SLC11A1: variants seen among roughly 807,000 people sequenced by gnomAD.
The protein encoded by SLC11A1 is natural resistance-associated macrophage protein 1.
Under a neutral mutation model 63.2 loss-of-function variants are expected in SLC11A1, and 59 were observed. The ratio of observed to expected loss-of-function variants is 0.93; its 90% CI spans 0.76 to 1.16. The LOEUF (loss-of-function observed/expected upper bound fraction) is 1.16. SLC11A1 is among the 50% of genes most tolerant of loss of function. SLC11A1 has a pLI of 0.00. For missense variants in SLC11A1, 688 were observed against 730.7 expected, an observed-to-expected ratio of 0.94 and a Z score of 0.67; for synonymous variants, 305 against 307.8, an observed-to-expected ratio of 0.99 and a Z score of 0.09.
Position 218,389,889 on chromosome 2 carries a change from C to A in SLC11A1, c.815C>A (p.Ala272Asp), listed in dbSNP as rs777838046. The A allele has an allele frequency of 4.3e-6, 7 of 1,612,154 alleles. No homozygotes were observed. In the East Asian group the frequency reaches 1.1e-4, roughly 26 times the overall value. Reference protein sequence around the residue: ...ALVKSREIDRARRADIREANM... With the variant: ...ALVKSREIDRDRRADIREANM... ...TCGTAGTCTCGAGAGATAGACCGGG[C>A]CCGCCGAGCAGACATCAGAGAAGCC... Residue 272 changes from alanine (A) to aspartate (D), a missense_variant, in exon 9 of 15, where the codon GCC becomes GAC. Physicochemically the swap from Ala to Asp is moderately radical, Grantham distance 126 (BLOSUM62 -2). Coordinates refer to ENST00000233202, the MANE Select transcript of SLC11A1 (RefSeq NM_000578.4).
At chr2:218,386,487 A>C (rs1696111703) in intron 4 of SLC11A1, 148 bp from the exon 5 acceptor site, 1 of 577,652 alleles carries the variant, frequency 1.7e-6, no homozygotes, top group African/African-American at 1.9e-5. Flanking sequence ...CTGCCTTTCC[A>C]TCTCCTGTAT....
At position 218,384,216 on chromosome 2, in the gene SLC11A1, CACTCT is replaced by C. The variant is rs574824378; in HGVS notation, c.151-22_151-18del. 30 of 1,570,876 alleles carry C rather than the reference CACTCT, an allele frequency of 1.9e-5. No homozygotes were observed. In the South Asian group the frequency reaches 3.3e-4, roughly 17 times the overall value. On this transcript the variant is annotated intron_variant, in intron 2 of 14. Coordinates refer to ENST00000233202, the MANE Select transcript of SLC11A1 (RefSeq NM_000578.4). The surrounding 1 kb of genome is among the most constrained non-coding windows in gnomAD (Gnocchi z 4.0). ...ACCATCCCTATACCCAGGACCCCCT[CACTCT>C]ACTCCTCCCACCCCCCAACAGGGCA... is the stretch of plus-strand genomic sequence containing the variant.
At position 218,396,625 on chromosome 2, in the gene SLC11A1, G is replaced by A. The variant is rs1696795624; in HGVS notation, c.*1590G>A. ...GACCGGTCTGGTGCGACCTGGGCAA[G>A]CGCTGCAGAGGGTACCTGGGCAAGA... On this transcript the variant is annotated 3_prime_UTR_variant, in exon 15 of 15. Transcript: ENST00000233202. 6.6e-6 allele frequency: 1 copy of A among 152,614 alleles called. No individual in the cohort carries two copies. The highest frequency in any genetic ancestry group is 2.1e-4 in the South Asian group (1 of 4,844). The allele number at this position is 152,614 out of a possible 1,614,324, so 9.5% of individuals were successfully genotyped here.
chr2:218,395,344 A>T lies in SLC11A1; in HGVS notation c.*309A>T. On this transcript the variant is annotated 3_prime_UTR_variant, in exon 15 of 15. Coordinates refer to ENST00000233202, the MANE Select transcript of SLC11A1 (RefSeq NM_000578.4). ...CAAAAGGTATTTATTGAGCACCTGC[A>T]GGCGTGACCTGACAGCCCAAGGGTG... The T allele has an allele frequency of 9.8e-6, 3 of 304,982 alleles. No individual in the cohort carries two copies. Among genetic ancestry groups the T allele is most frequent in the Non-Finnish European group, 1.9e-5 (3 of 160,326 alleles). 18.9% of individuals were successfully genotyped at this position (304,982 alleles called of 1,614,324 possible). A position where few individuals can be genotyped will look rare whatever the true frequency, so the allele number is the denominator to read the frequency against.
chr2:218,388,833 T>G lies in SLC11A1; in HGVS notation c.795+878T>G, dbSNP rs766862231. On this transcript the variant is annotated intron_variant, in intron 8 of 14. Transcript: ENST00000233202. ...AGAAAAAGAACAAGAACTATAGAGC[T>G]GGGCGAGGTGGCTCACGCCTGTAAT... 2.0e-4 allele frequency among the ~76,000 whole-genome samples: 28 copies of G among 143,304 alleles called. 1 individual carries two copies. Among genetic ancestry groups the G allele is most frequent in the Non-Finnish European group, 7.6e-5 (5 of 65,436 alleles). 94.0% of individuals were successfully genotyped at this position (143,304 alleles called of 152,430 possible). A position where few individuals can be genotyped will look rare whatever the true frequency, so the allele number is the denominator to read the frequency against.
At position 218,396,744 on chromosome 2, in the gene SLC11A1, CA is replaced by C; in HGVS notation, c.*1710del. ...ATGGGGGACGTTTAGCGAAGAAAGG[CA>C]TCTCCCAGATCCTTTAGCCTCCTGG... On this transcript the variant is annotated 3_prime_UTR_variant, in exon 15 of 15. Transcript: ENST00000233202. 1 of 152,702 alleles carries C rather than the reference CA, an allele frequency of 6.5e-6. No individual in the cohort carries two copies. Among genetic ancestry groups the C allele is most frequent in the East Asian group, 1.9e-4 (1 of 5,318 alleles). 9.5% of individuals were successfully genotyped at this position (152,702 alleles called of 1,614,324 possible).
At chr2:218,383,333 G>A (rs1311347666) in intron 2 of SLC11A1, 2 of 537,458 alleles carry the variant, frequency 3.7e-6, no homozygotes, top group Admixed American at 3.2e-5. Context: ...ATGAATCTCA[G>A]CTTTCCTATG....
intron 3 of SLC11A1, 42 bp from the exon 4 acceptor site, chr2:218,385,105 G>C (rs17215577): frequency 6.2e-7 from 1 of 1,610,312 alleles, no homozygotes; most frequent in Non-Finnish European, 8.5e-7. Context: ...GCTTTCTGAG[G>C]CTGGCCTCTC....
At position 218,395,558 on chromosome 2, in the gene SLC11A1, C is replaced by G. The variant is rs1048610046; in HGVS notation, c.*523C>G. 1.3e-5 allele frequency: 2 copies of G among 153,078 alleles called. No individual in the cohort carries two copies. The highest frequency in any genetic ancestry group is 2.9e-5 in the Non-Finnish European group (2 of 68,534). The allele number at this position is 153,078 out of a possible 1,614,324, so 9.5% of individuals were successfully genotyped here. A position where few individuals can be genotyped will look rare whatever the true frequency, so the allele number is the denominator to read the frequency against. Reference sequence around the variant, plus strand: ...CTTAACTCATTGCAACCTCCACCTTCTGGGTTCAAGCGATTCTCTTTATTC... The same window carrying G: ...CTTAACTCATTGCAACCTCCACCTTGTGGGTTCAAGCGATTCTCTTTATTC... On this transcript the variant is annotated 3_prime_UTR_variant, in exon 15 of 15. Coordinates refer to ENST00000233202, the MANE Select transcript of SLC11A1 (RefSeq NM_000578.4).
chr2:218,393,015 G>C lies in SLC11A1; in HGVS notation c.1199G>C (p.Arg400Pro). 6.3e-7 allele frequency: 1 copy of C among 1,596,644 alleles called. No homozygotes were observed. Among genetic ancestry groups the C allele is most frequent in the Non-Finnish European group, 8.5e-7 (1 of 1,174,778 alleles). ...AGGCTGCGGTGGTCACGCTTCGCCCGTGTCCTCCTCACCCGCTCCTGCGCC... is the reference window on the plus strand; with the variant it reads ...AGGCTGCGGTGGTCACGCTTCGCCCCTGTCCTCCTCACCCGCTCCTGCGCC... ...FLRLRWSRFA[R>P]VLLTRSCAIL... The change falls in exon 12 of 15, where the codon CGT becomes CCT. Residue 400 changes from arginine to proline, a missense_variant. Arg to Pro is a moderately radical substitution (Grantham distance 103). Transcript: ENST00000233202.
intron 13 of SLC11A1, 171 bp from the exon 14 acceptor site, chr2:218,394,461 G>GC (rs1696640066): frequency 1.3e-6 from 1 of 773,278 alleles, no homozygotes; most frequent in Non-Finnish European, 2.1e-6. Context: ...AGCCTGGAGG[G>GC]CCCAGGAGGC....
intron 4 of SLC11A1, among the ~76,000 whole-genome samples, chr2:218,385,886 G>C (rs1389952120): frequency 6.6e-6 from 1 of 152,168 alleles, no homozygotes; most frequent in Admixed American, 6.5e-5. Context: ...TCGTTGTTGT[G>C]AGTGTCCAGT....
Position 218,393,898 on chromosome 2 carries a change from G to C in SLC11A1, c.1315-222G>C, listed in dbSNP as rs1440927336. ...AGTTAAGTTACTAGTGGCAGGGCTT[G>C]GATTCAAACCGAAGCAACCTGGTGC... On this transcript the variant is annotated intron_variant, in intron 12 of 14. Transcript: ENST00000233202. Among the ~76,000 whole-genome samples, 3 of 152,036 alleles carry C rather than the reference G, an allele frequency of 2.0e-5. No individual in the cohort carries two copies. The East Asian group carries it at 5.8e-4, about 29-fold the overall frequency.
rs776388355 is a variant in SLC11A1, at chr2:218,383,015, G to A, written c.63G>A (p.Pro21=). The part of the protein sequence containing the change: ...SGSSYGSISS[P]TSPTSPGPQQ... ...CCAGCTATGGTTCCATCTCCAGCCC[G>A]ACCAGCCCGACCAGCCCAGGGCCAC... Residue 21 remains proline, a synonymous_variant, in exon 2 of 15, where the codon CCG becomes CCA. Coordinates refer to ENST00000233202, the MANE Select transcript of SLC11A1 (RefSeq NM_000578.4). 25 of 1,611,312 alleles carry A rather than the reference G, an allele frequency of 1.6e-5. No individual in the cohort carries two copies. Among genetic ancestry groups the A allele is most frequent in the Middle Eastern group, 1.6e-4 (1 of 6,076 alleles).
At position 218,387,969 on chromosome 2, in the gene SLC11A1, AG is replaced by A; in HGVS notation, c.795+18del. The A allele has an allele frequency of 6.3e-7, 1 of 1,583,882 alleles. No individual in the cohort carries two copies. The highest frequency in any genetic ancestry group is 2.3e-5 in the East Asian group (1 of 44,350). On this transcript the variant is annotated intron_variant, in intron 8 of 14. Coordinates refer to ENST00000233202, the MANE Select transcript of SLC11A1 (RefSeq NM_000578.4). ...GCCCTGGTCAAGGTGAGCAGAGGGGAGGGGAAAGGAGACCCCCTCACTCAGT... is the reference window on the plus strand; with the variant it reads ...GCCCTGGTCAAGGTGAGCAGAGGGGAGGGAAAGGAGACCCCCTCACTCAGT...
chr2:218,391,486 C>T lies in SLC11A1; in HGVS notation c.1155C>T (p.Phe385=), dbSNP rs141050730. The T allele has an allele frequency of 1.2e-5, 19 of 1,596,166 alleles. No homozygotes were observed. The Admixed American group carries it at 2.4e-4, about 21-fold the overall frequency. The change falls in exon 11 of 15, where the codon TTC becomes TTT. Residue 385 remains phenylalanine, a synonymous_variant. Coordinates refer to ENST00000233202, the MANE Select transcript of SLC11A1 (RefSeq NM_000578.4). ...TGACGGGCACCTACGCGGGACAGTT[C>T]GTGATGGAGGTAGGGCAGGGGGCGG... ...STMTGTYAGQ[F]VMEGFLRLRW...
chr2:218,395,821 C>T lies in SLC11A1; in HGVS notation c.*786C>T, dbSNP rs2106342028. On this transcript the variant is annotated 3_prime_UTR_variant, in exon 15 of 15. Coordinates refer to ENST00000233202, the MANE Select transcript of SLC11A1 (RefSeq NM_000578.4). ...GAGCAGGGAATGGGAACCGGGAAGGCACGAAGTCTCTAAAGCATCCAGAAG... is the reference window on the plus strand; with the variant it reads ...GAGCAGGGAATGGGAACCGGGAAGGTACGAAGTCTCTAAAGCATCCAGAAG... 1 of 152,512 alleles carries T rather than the reference C, an allele frequency of 6.6e-6. No homozygotes were observed. The highest frequency in any genetic ancestry group is 6.5e-5 in the Admixed American group (1 of 15,304). The allele number at this position is 152,512 out of a possible 1,614,324, so 9.4% of individuals were successfully genotyped here. A position where few individuals can be genotyped will look rare whatever the true frequency, so the allele number is the denominator to read the frequency against.
rs140659502 is a variant in SLC11A1 at position 218,389,876 on chromosome 2, G to A, written c.802G>A (p.Glu268Lys). 8.3e-5 allele frequency: 133 copies of A among 1,610,432 alleles called. No homozygotes were observed. The East Asian group carries it at 2.9e-3, about 35-fold the overall frequency. ...YLHSALVKSR[E>K]IDRARRADIR... ...CTCCCTTTGATCTTCGTAGTCTCGA[G>A]AGATAGACCGGGCCCGCCGAGCAGA... The change falls in exon 9 of 15, where the codon GAG becomes AAG. Residue 268 changes from glutamate to lysine, a missense_variant. Glu to Lys is a moderately conservative substitution (Grantham distance 56). Transcript: ENST00000233202.
intron 11 of SLC11A1, 191 bp downstream of exon 11, chr2:218,391,686 G>A (rs975215779): frequency 2.3e-5 from 15 of 663,052 alleles, no homozygotes; most frequent in African/African-American, 5.5e-5. Context: ...GTGCAGTGGC[G>A]CGATCTCGGC....
Sources: gnomAD v4.1 joint callset for allele counts (sites outside exome capture counted in the v4.1 genomes callset) on GRCh38, gnomAD v4.1.1 for gene constraint, Gnocchi (gnomAD v3.1) non-coding constraint, MANE v1.5 for transcripts, NCBI Gene and HGNC (gene_info 2026-07-23, HGNC 2026-07-21) for gene names.